CLCA2: variants seen among roughly 807,000 people sequenced by gnomAD.
CLCA2 encodes the protein calcium-activated chloride channel regulator 2.
Under a neutral mutation model 82.9 loss-of-function variants are expected in CLCA2, and 85 were observed. That is an observed-to-expected ratio of 1.03 (90% confidence interval 0.86 to 1.23). The LOEUF is 1.23. CLCA2 is among the 50% of genes most tolerant of loss of function. The probability of loss-of-function intolerance (pLI) is 0.00; values close to 1 mark genes in which losing one functional copy is unlikely to be tolerated. For synonymous variants in CLCA2, 421 were observed against 391.7 expected, an observed-to-expected ratio of 1.07 and a Z score of -0.88; for missense variants, 1,089 against 1,124.8, an observed-to-expected ratio of 0.97 and a Z score of 0.45.
rs867205853 is a variant in CLCA2, at chr1:86,433,600, T to C, written c.745-918T>C. On this transcript the variant is annotated intron_variant, in intron 5 of 13. Coordinates refer to ENST00000370565, the MANE Select transcript of CLCA2 (RefSeq NM_006536.7). ...TTGAAAGACCTACTCATAAATATCT[T>C]GTCAGAAAAGTTTTACAATCCCATA... is the stretch of plus-strand genomic sequence containing the variant. Among the ~76,000 whole-genome samples the C allele has an allele frequency of 7.2e-5, 11 of 152,348 alleles. No individual in the cohort carries two copies. In the South Asian group the frequency reaches 2.1e-3, roughly 29 times the overall value.
chr1:86,447,414 A>G, intron 10 of CLCA2, 94 bp from the exon 11 acceptor site: 1 of 1,369,676 alleles, frequency 7.3e-7, no homozygotes, highest in Non-Finnish European at 1.0e-6. Context: ...TCAACAAAAC[A>G]AGAGCAAAAT....
intron 2 of CLCA2, 65 bp downstream of exon 2, chr1:86,425,541 C>A: frequency 7.6e-7 from 1 of 1,307,792 alleles, no homozygotes; most frequent in South Asian, 1.9e-5. Context: ...ATACTGTGCT[C>A]AAACGATAAA....
Position 86,456,526 on chromosome 1 carries a change from C to T in CLCA2, c.*999C>T, listed in dbSNP as rs1016797186. On this transcript the variant is annotated 3_prime_UTR_variant, in exon 14 of 14. Transcript: ENST00000370565. ...TCCTCTTATTTTTTTAAAAGATTAT[C>T]GAACAATAAAATCATTTGCCTTTTT... is the stretch of plus-strand genomic sequence containing the variant. 6.6e-6 allele frequency: 1 copy of T among 151,900 alleles called. No homozygotes were observed. Among genetic ancestry groups the T allele is most frequent in the East Asian group, 1.9e-4 (1 of 5,198 alleles). 9.4% of individuals were successfully genotyped at this position (151,900 alleles called of 1,614,324 possible).
rs1021269273 is a variant in CLCA2 at position 86,428,556 on chromosome 1, T to C, written c.463T>C (p.Tyr155His). 5 of 1,613,230 alleles carry C rather than the reference T, an allele frequency of 3.1e-6. No individual in the cohort carries two copies. In the African/African-American group the frequency reaches 6.7e-5, roughly 22 times the overall value. Residue 155 changes from tyrosine to histidine, a missense_variant, in exon 3 of 14, where the codon TAC becomes CAC. Coordinates refer to ENST00000370565, the MANE Select transcript of CLCA2 (RefSeq NM_006536.7). ...FLLNDNLTAG[Y>H]GSRGRVFVHE... ...ACTGAATGATAACTTAACAGCTGGCTACGGATCACGAGGTAAGTGGGACCA... is the reference window on the plus strand; with the variant it reads ...ACTGAATGATAACTTAACAGCTGGCCACGGATCACGAGGTAAGTGGGACCA...
At chr1:86,455,037 A>C in intron 13 of CLCA2, 48 bp from the exon 14 acceptor site, 1 of 1,147,364 alleles carries the variant, frequency 8.7e-7, no homozygotes, top group African/African-American at 1.6e-5. Context: ...AAACTAGAAA[A>C]TATACTCAAA....
At chr1:86,428,639 G>A in intron 3 of CLCA2, 71 bp downstream of exon 3, 1 of 1,528,416 alleles carries the variant, frequency 6.5e-7, no homozygotes. Context: ...GGTGCTGAAA[G>A]GGACTCACTC....
At chr1:86,437,055 G>T (rs891890752) in intron 6 of CLCA2, among the ~76,000 whole-genome samples, 5 of 152,132 alleles carry the variant, frequency 3.3e-5, no homozygotes, top group Non-Finnish European at 7.4e-5. Context: ...ATTTATATTG[G>T]CTATCTGCCT....
chr1:86,447,917 T>A, intron 11 of CLCA2, 139 bp downstream of exon 11: 1 of 868,618 alleles, frequency 1.2e-6, no homozygotes, highest in Non-Finnish European at 1.7e-6. Flanking sequence ...CAAATTCTTA[T>A]AGAGTCACTG....
In CLCA2 at chr1:86,443,798, A is replaced by G. The variant is rs763852595; in HGVS notation, c.1500A>G (p.Thr500=). The G allele has an allele frequency of 1.2e-6, 2 of 1,613,036 alleles. No individual in the cohort carries two copies. Residue 500 remains threonine, a synonymous_variant, in exon 10 of 14, where the codon ACA becomes ACG. Coordinates refer to ENST00000370565, the MANE Select transcript of CLCA2 (RefSeq NM_006536.7). ...CTTCTCTTTAACAGCTTGAAAGTAC[A>G]GGTGAAAATGTCAAACCTCACCATC... ...IFQQHIQLES[T]GENVKPHHQL... is the part of the protein sequence containing the mutation.
chr1:86,431,089 G>C (rs747152919), intron 4 of CLCA2, 119 bp downstream of exon 4: 4 of 658,230 alleles, frequency 6.1e-6, no homozygotes, highest in Middle Eastern at 6.6e-4. Context: ...CTAAAACTTA[G>C]CTGATAAGAA....
Position 86,453,461 on chromosome 1 carries a change from T to G in CLCA2, c.2248T>G (p.Phe750Val). 1 of 1,614,172 alleles carries G rather than the reference T, an allele frequency of 6.2e-7. No homozygotes were observed. The highest frequency in any genetic ancestry group is 8.5e-7 in the Non-Finnish European group (1 of 1,180,022). ...TAGCCGAGTCAGCTCAGGAGGCTCC[T>G]TTTCAGTGCTGGGAGTTCCAGCTGG... ...GFSRVSSGGS[F>V]SVLGVPAGPH... The change falls in exon 13 of 14, where the codon TTT becomes GTT. Residue 750 changes from phenylalanine (F) to valine (V), a missense_variant. Coordinates refer to ENST00000370565, the MANE Select transcript of CLCA2 (RefSeq NM_006536.7).
chr1:86,428,923 T>A (rs973631634), intron 3 of CLCA2, among the ~76,000 whole-genome samples: 2 of 152,090 alleles, frequency 1.3e-5, no homozygotes, highest in African/African-American at 4.8e-5. Flanking sequence ...AAGAAAACTG[T>A]GGCAGCAGAA....
At chr1:86,427,091 A>C (rs1264952835) in intron 2 of CLCA2, among the ~76,000 whole-genome samples, 1 of 152,198 alleles carries the variant, frequency 6.6e-6, no homozygotes, top group Non-Finnish European at 1.5e-5. Context: ...AGAGAACCCA[A>C]GGACCAGCAA....
At chr1:86,427,830 T>C (rs1388744075) in intron 2 of CLCA2, among the ~76,000 whole-genome samples, 1 of 152,172 alleles carries the variant, frequency 6.6e-6, no homozygotes, top group African/African-American at 2.4e-5. Flanking sequence ...GTAATGGAAA[T>C]GGTCAGGCCA....
chr1:86,430,909 G>C lies in CLCA2; in HGVS notation c.523G>C (p.Asp175His). The C allele has an allele frequency of 6.2e-7, 1 of 1,613,838 alleles. No homozygotes were observed. The highest frequency in any genetic ancestry group is 2.2e-5 in the East Asian group (1 of 44,874). ...EWAHLRWGVF[D>H]EYNNDKPFYI... Reference sequence around the variant, plus strand: ...GGCCCACCTCCGTTGGGGTGTGTTCGATGAGTATAACAATGACAAACCTTT... The same window carrying C: ...GGCCCACCTCCGTTGGGGTGTGTTCCATGAGTATAACAATGACAAACCTTT... Residue 175 changes from aspartate to histidine, a missense_variant, in exon 4 of 14, where the codon GAT becomes CAT. Asp to His is a moderately conservative substitution (Grantham distance 81). Transcript: ENST00000370565.
At chr1:86,442,765 TA>T (rs1290445264) in intron 9 of CLCA2, among the ~76,000 whole-genome samples, 59 of 152,374 alleles carry the variant, frequency 3.9e-4, no homozygotes, top group African/African-American at 1.0e-3. Flanking sequence ...AAATACGCAG[TA>T]ATTAAATGCA....
At chr1:86,448,112 C>A in intron 11 of CLCA2, 1 of 235,564 alleles carries the variant, frequency 4.2e-6, no homozygotes, top group South Asian at 9.3e-5. Context: ...CTCTAAGAGT[C>A]ACTAGCTTTA....
rs559606938 is a variant in CLCA2, at chr1:86,448,778, G to C, written c.1984+1000G>C. On this transcript the variant is annotated intron_variant, in intron 11 of 13. Transcript: ENST00000370565. ...TCCACCACTGGGGGATACCAGAGAAGTCTTCTTGTTTTGCCTGTTGGATTG... is the reference window on the plus strand; with the variant it reads ...TCCACCACTGGGGGATACCAGAGAACTCTTCTTGTTTTGCCTGTTGGATTG... 2.0e-5 allele frequency among the ~76,000 whole-genome samples: 3 copies of C among 152,338 alleles called. No homozygotes were observed. In the East Asian group the frequency reaches 5.8e-4, roughly 29 times the overall value.
rs3086658 is a variant in CLCA2, at chr1:86,446,216, C to CTTT, written c.1714-1271_1714-1269dup. Among the ~76,000 whole-genome samples, 177 of 108,470 alleles carry CTTT rather than the reference C, an allele frequency of 1.6e-3. 1 individual carries two copies. The highest frequency in any genetic ancestry group is 3.1e-3 in the African/African-American group (90 of 28,894). 71.2% of individuals were successfully genotyped at this position (108,470 alleles called of 152,430 possible). A position where few individuals can be genotyped will look rare whatever the true frequency, so the allele number is the denominator to read the frequency against. ...CTTCTGTAGTGGTGAGCTGTGGGAA[C>CTTT]TTTTTTTTTTTTTTTTTTTTTTTGA... On this transcript the variant is annotated intron_variant, in intron 10 of 13. Transcript: ENST00000370565.
Sources: allele counts gnomAD v4.1 joint callset (sites outside exome capture counted in the v4.1 genomes callset), GRCh38; gene constraint gnomAD v4.1.1; transcripts MANE v1.5; gene names NCBI Gene and HGNC (gene_info 2026-07-23, HGNC 2026-07-21).